Variants in UST observed in about 807,000 individuals in gnomAD.
UST encodes the protein uronyl 2-sulfotransferase.
Under a neutral mutation model 45.6 loss-of-function variants are expected in UST, and 21 were observed. That is an observed-to-expected ratio of 0.46 (90% confidence interval 0.33 to 0.66). UST has a LOEUF of 0.66. UST is among the 30% of genes least tolerant of loss of function. The probability of loss-of-function intolerance (pLI) is 0.02; values close to 1 mark genes in which losing one functional copy is unlikely to be tolerated. For synonymous variants in UST, 215 were observed against 200.6 expected, an observed-to-expected ratio of 1.07 and a Z score of -0.61; for missense variants, 463 against 512.4, an observed-to-expected ratio of 0.90 and a Z score of 0.93.
chr6:149,046,215 A>G (rs1776393325), intron 7 of UST, among the ~76,000 whole-genome samples: 2 of 152,216 alleles, frequency 1.3e-5, no homozygotes, highest in South Asian at 4.1e-4. Context: ...CTTCAGTCCT[A>G]TCCTGGAAGT....
At position 149,068,476 on chromosome 6, in the gene UST, G is replaced by A. The variant is rs77342274; in HGVS notation, c.938-5357G>A. ...ACATTAGTTCCCATTAACTGTAGCT[G>A]TTACTATAAAAATATACCACAAAGC... On this transcript the variant is annotated intron_variant, in intron 7 of 7. Coordinates refer to ENST00000367463, the MANE Select transcript of UST (RefSeq NM_005715.3). Among the ~76,000 whole-genome samples the A allele has an allele frequency of 1.1e-4, 16 of 152,308 alleles. No homozygotes were observed. The East Asian group carries it at 3.1e-3, about 29-fold the overall frequency.
intron 1 of UST, among the ~76,000 whole-genome samples, chr6:148,885,639 T>A (rs1259177290): frequency 6.6e-6 from 1 of 152,158 alleles, no homozygotes; most frequent in Non-Finnish European, 1.5e-5. Flanking sequence ...GAACACCAAG[T>A]GGGCTATAAA....
In UST at chr6:149,052,592, GTC is replaced by G. The variant is rs10545521; in HGVS notation, c.938-21219_938-21218del. Reference sequence around the variant, plus strand: ...CCCCGTGCTCGTAAGCTCTTAACTGGTCTCTCTCTCTCTCTCTCTCTCTGAAA... The same window carrying G: ...CCCCGTGCTCGTAAGCTCTTAACTGGTCTCTCTCTCTCTCTCTCTCTGAAA... On this transcript the variant is annotated intron_variant, in intron 7 of 7. Coordinates refer to ENST00000367463, the MANE Select transcript of UST (RefSeq NM_005715.3). Among the ~76,000 whole-genome samples, 1,256 of 150,050 alleles carry G rather than the reference GTC, an allele frequency of 8.4e-3. 26 individuals carry two copies. The highest frequency in any genetic ancestry group is 0.026 in the African/African-American group (1,078 of 40,928).
chr6:148,946,199 T>G (rs984614421), intron 3 of UST, among the ~76,000 whole-genome samples: 1 of 152,094 alleles, frequency 6.6e-6, no homozygotes, highest in African/African-American at 2.4e-5. Context: ...TAAGGCATGG[T>G]TAATCGGGCC....
intron 7 of UST, among the ~76,000 whole-genome samples, chr6:149,037,393 CTGT>C (rs565256633): frequency 5.3e-4 from 81 of 152,300 alleles, no homozygotes; most frequent in Admixed American, 2.3e-3. Context: ...ACTCAGAAAA[CTGT>C]TGTTAAAGCC....
chr6:148,777,627 C>G (rs770497047), intron 1 of UST, among the ~76,000 whole-genome samples: 2 of 152,208 alleles, frequency 1.3e-5, no homozygotes, highest in African/African-American at 2.4e-5. Context: ...TCACTGCAAC[C>G]TACGCATCCC....
intron 3 of UST, among the ~76,000 whole-genome samples, chr6:148,942,871 C>A (rs1042045716): frequency 1.3e-5 from 2 of 152,136 alleles, no homozygotes; most frequent in Non-Finnish European, 2.9e-5. Context: ...TTTAAATAGC[C>A]ATTACCAGCA....
chr6:148,950,263 G>C (rs965261085), intron 3 of UST, among the ~76,000 whole-genome samples: 1 of 152,164 alleles, frequency 6.6e-6, no homozygotes, highest in Non-Finnish European at 1.5e-5. Flanking sequence ...AACAAGTCTC[G>C]GGTGATGCTG....
At chr6:148,993,254 A>G (rs910242993) in intron 5 of UST, among the ~76,000 whole-genome samples, 1 of 152,086 alleles carries the variant, frequency 6.6e-6, no homozygotes, top group African/African-American at 2.4e-5. Context: ...TAAATACACA[A>G]TCTTCCTAAA....
chr6:148,956,988 T>C (rs1169073971), intron 4 of UST, among the ~76,000 whole-genome samples: 1 of 152,068 alleles, frequency 6.6e-6, no homozygotes, highest in African/African-American at 2.4e-5. Context: ...GGGTCAGCTT[T>C]AGACAAGTGA....
intron 2 of UST, among the ~76,000 whole-genome samples, chr6:148,922,859 C>T (rs2114898656): frequency 6.6e-6 from 1 of 152,268 alleles, no homozygotes; most frequent in South Asian, 2.1e-4. Context: ...GTGGCACGAT[C>T]TCGGCTTACT....
chr6:148,856,049 C>T (rs1778198578), intron 1 of UST, among the ~76,000 whole-genome samples: 1 of 152,136 alleles, frequency 6.6e-6, no homozygotes, highest in African/African-American at 2.4e-5. Flanking sequence ...CGGAGTTTCA[C>T]TCTGTCACCC....
At chr6:148,961,648 A>G in intron 4 of UST, among the ~76,000 whole-genome samples, 1 of 152,258 alleles carries the variant, frequency 6.6e-6, no homozygotes, top group Admixed American at 6.5e-5. Flanking sequence ...GCTGAGTATA[A>G]GAAAGACTTT....
intron 1 of UST, among the ~76,000 whole-genome samples, chr6:148,859,911 T>C (rs1295307199): frequency 6.6e-6 from 1 of 152,218 alleles, no homozygotes; most frequent in African/African-American, 2.4e-5. Flanking sequence ...GTCATTTAGT[T>C]TGAAGTCAGG....
rs1346961221 is a variant in UST, at chr6:149,076,887, T to C, written c.*2771T>C. 6.6e-6 allele frequency: 1 copy of C among 152,486 alleles called. No individual in the cohort carries two copies. Among genetic ancestry groups the C allele is most frequent in the Non-Finnish European group, 1.5e-5 (1 of 68,012 alleles). The allele number at this position is 152,486 out of a possible 1,614,324, so 9.4% of individuals were successfully genotyped here. ...AAGTGCTTGTAAATCTTTTTTTTTT[T>C]TTAAGAAGAAAGAAAAAAATGGTGT... On this transcript the variant is annotated 3_prime_UTR_variant, in exon 8 of 8. Transcript: ENST00000367463.
intron 5 of UST, among the ~76,000 whole-genome samples, chr6:148,965,225 G>A (rs975467373): frequency 4.6e-5 from 7 of 152,184 alleles, no homozygotes; most frequent in Non-Finnish European, 1.0e-4. Context: ...CAGCACAGAG[G>A]TTGGTAACAA....
At chr6:148,751,123 C>A (rs183983522) in intron 1 of UST, among the ~76,000 whole-genome samples, 1 of 152,290 alleles carries the variant, frequency 6.6e-6, no homozygotes, top group East Asian at 1.9e-4. Flanking sequence ...CAAAGTATTG[C>A]TTTCTGGAGG....
chr6:148,935,825 T>C (rs1042224818), intron 2 of UST, among the ~76,000 whole-genome samples: 3 of 152,176 alleles, frequency 2.0e-5, no homozygotes, highest in Non-Finnish European at 4.4e-5. Context: ...TTCCATTAGC[T>C]TTCTAGAAAG....
At chr6:148,760,383 C>A (rs1776190632) in intron 1 of UST, among the ~76,000 whole-genome samples, 1 of 152,210 alleles carries the variant, frequency 6.6e-6, no homozygotes, top group African/African-American at 2.4e-5. Flanking sequence ...TCCCATTTCA[C>A]TGTGGGCAGC....
Sources: allele counts gnomAD v4.1 joint callset (sites outside exome capture counted in the v4.1 genomes callset), GRCh38; gene constraint gnomAD v4.1.1; transcripts MANE v1.5; gene names NCBI Gene and HGNC (gene_info 2026-07-23, HGNC 2026-07-21).